Variants in ANOS1 observed in about 807,000 individuals in gnomAD.
ANOS1 encodes the protein anosmin 1.
A neutral mutation model predicts 59.0 loss-of-function variants in ANOS1; 6 were observed. The ratio of observed to expected loss-of-function variants is 0.10; its 90% CI spans 0.06 to 0.20. ANOS1 has a LOEUF of 0.20. ANOS1 is among the 10% of genes least tolerant of loss of function. ANOS1 has a pLI of 1.00. For synonymous variants in ANOS1, 217 were observed against 223.4 expected (o/e 0.97, Z 0.25); for missense variants, 433 against 542.3 (o/e 0.80, Z 2.00).
At chrX:8,536,218 A>ATTTTTT (rs1929592022) in intron 11 of ANOS1, among the ~76,000 whole-genome samples, 2 of 13,419 alleles carry the variant, frequency 1.5e-4, no homozygotes, top group Non-Finnish European at 3.3e-4. Flanking sequence ...TTTTTTTTTA[A>ATTTTTT]AAGGTGAGAT....
At chrX:8,657,306 C>A (rs762514857) in intron 2 of ANOS1, among the ~76,000 whole-genome samples, 3 of 111,949 alleles carry the variant, frequency 2.7e-5, no homozygotes, top group Admixed American at 9.4e-5. Context: ...AGATTCAGAT[C>A]ATATCCCTGT....
intron 1 of ANOS1, among the ~76,000 whole-genome samples, chrX:8,702,778 A>G (rs1010944625): frequency 8.9e-6 from 1 of 111,917 alleles, no homozygotes; most frequent in African/African-American, 3.2e-5. Flanking sequence ...CTCCTCCCCA[A>G]CCAGTGATGG....
At chrX:8,685,145 C>T (rs1602024000) in intron 2 of ANOS1, among the ~76,000 whole-genome samples, 1 of 111,255 alleles carries the variant, frequency 9.0e-6, no homozygotes, top group South Asian at 3.8e-4. Flanking sequence ...TAGACAGTTT[C>T]GCATAAGCCC....
intron 2 of ANOS1, among the ~76,000 whole-genome samples, chrX:8,665,844 T>G (rs1452988865): frequency 8.9e-6 from 1 of 112,348 alleles, no homozygotes; most frequent in Non-Finnish European, 1.9e-5. Flanking sequence ...ATGATATTCT[T>G]TAACATTTAA....
At chrX:8,674,605 AT>A (rs1932306542) in intron 2 of ANOS1, among the ~76,000 whole-genome samples, 1 of 112,404 alleles carries the variant, frequency 8.9e-6, no homozygotes, top group South Asian at 3.7e-4. Flanking sequence ...CTTAAAAAAA[AT>A]TGCAAAAAAA....
intron 2 of ANOS1, among the ~76,000 whole-genome samples, chrX:8,654,460 A>G (rs1234146004): frequency 1.8e-5 from 2 of 112,474 alleles, no homozygotes; most frequent in Non-Finnish European, 3.7e-5. Context: ...CTAAAAATTC[A>G]CCACCATGGG....
chrX:8,598,883 G>A (rs917465205), intron 3 of ANOS1, among the ~76,000 whole-genome samples: 4 of 112,101 alleles, frequency 3.6e-5, no homozygotes, highest in African/African-American at 1.3e-4. Context: ...GGGTGGCTAC[G>A]TTGTTGTGAA....
intron 6 of ANOS1, among the ~76,000 whole-genome samples, chrX:8,571,525 G>A (rs1930233511): frequency 9.0e-6 from 1 of 111,633 alleles, no homozygotes; most frequent in Non-Finnish European, 1.9e-5. Flanking sequence ...ATAAAAACCT[G>A]CACCATTTTT....
Position 8,668,512 on chromosome X carries a change from T to TAC in ANOS1, c.255+31185_255+31186insGT, listed in dbSNP as rs1185189948. Among the ~76,000 whole-genome samples the TAC allele has an allele frequency of 1.3e-4, 10 of 75,985 alleles. No individual in the cohort carries two copies. The East Asian group carries it at 2.9e-3, about 22-fold the overall frequency. 66.0% of individuals were successfully genotyped at this position (75,985 alleles called of 115,157 possible). A position where few individuals can be genotyped will look rare whatever the true frequency, so the allele number is the denominator to read the frequency against. On this transcript the variant is annotated intron_variant, in intron 2 of 13. Coordinates refer to ENST00000262648, the MANE Select transcript of ANOS1 (RefSeq NM_000216.4). ...TATATATATATGGTATTCCATCATA[T>TAC]ATATATGATAGTCCATATATATATA...
At chrX:8,646,190 T>G (rs774017226) in intron 2 of ANOS1, among the ~76,000 whole-genome samples, 9 of 111,360 alleles carry the variant, frequency 8.1e-5, no homozygotes, top group Non-Finnish European at 1.7e-4. Flanking sequence ...AAGACATCTT[T>G]TTTTGAGACA....
intron 2 of ANOS1, among the ~76,000 whole-genome samples, chrX:8,636,207 C>A (rs1236125985): frequency 2.7e-5 from 3 of 111,813 alleles, no homozygotes; most frequent in African/African-American, 9.8e-5. Flanking sequence ...TGACAACACA[C>A]ATCTCCTAAG....
intron 3 of ANOS1, among the ~76,000 whole-genome samples, chrX:8,605,240 T>C (rs1930918030): frequency 9.1e-6 from 1 of 109,298 alleles, no homozygotes; most frequent in East Asian, 2.9e-4. Flanking sequence ...GGCCAAAGGG[T>C]CTGATTCCAA....
chrX:8,554,551 T>G (rs1479697929), intron 8 of ANOS1, among the ~76,000 whole-genome samples: 9 of 95,333 alleles, frequency 9.4e-5, no homozygotes, highest in African/African-American at 3.3e-4. Context: ...AGTTTTTTTT[T>G]TTTTTTTTTT....
Position 8,530,864 on chromosome X carries a change from A to G in ANOS1, c.*2131T>C, listed in dbSNP as rs1172343594. The G allele has an allele frequency of 1.8e-5, 2 of 111,332 alleles. No individual in the cohort carries two copies. The highest frequency in any genetic ancestry group is 5.6e-4 in the East Asian group (2 of 3,561). 9.2% of individuals were successfully genotyped at this position (111,332 alleles called of 1,213,427 possible). A position where few individuals can be genotyped will look rare whatever the true frequency, so the allele number is the denominator to read the frequency against. ...AAAGATAAATGGATAGCTAATAATG[A>G]AAAATTTTAATTTTTGAAATTTTAA... On this transcript the variant is annotated 3_prime_UTR_variant, in exon 14 of 14. Transcript: ENST00000262648.
chrX:8,704,967 T>C (rs753782152), intron 1 of ANOS1, among the ~76,000 whole-genome samples: 2 of 111,756 alleles, frequency 1.8e-5, no homozygotes, highest in Non-Finnish European at 3.8e-5. Context: ...TAAGATACAG[T>C]ATTTTAGCAA....
At position 8,597,227 on chromosome X, in the gene ANOS1, G is replaced by A. The variant is rs148537546; in HGVS notation, c.348C>T (p.Cys116=). ...ATTTGAGGAACTCACAGCTGGTCAAGCATTCGTAGCTCTTCTTGGGGAAGA... is the reference window on the plus strand; with the variant it reads ...ATTTGAGGAACTCACAGCTGGTCAAACATTCGTAGCTCTTCTTGGGGAAGA... ...EPLFPKKSYE[C]LTSCEFLKYI... The change falls in exon 4 of 14, where the codon TGC becomes TGT. Residue 116 remains cysteine, a synonymous_variant. Transcript: ENST00000262648. 5 of 1,209,137 alleles carry A rather than the reference G, an allele frequency of 4.1e-6. No individual in the cohort carries two copies. The African/African-American group carries it at 7.0e-5, about 17-fold the overall frequency.
chrX:8,621,847 G>C (rs1028863914), intron 3 of ANOS1, among the ~76,000 whole-genome samples: 1 of 111,596 alleles, frequency 9.0e-6, no homozygotes, highest in African/African-American at 3.3e-5. Flanking sequence ...ATTTTTGCGT[G>C]ATTTTTTTAC....
intron 2 of ANOS1, among the ~76,000 whole-genome samples, chrX:8,629,470 T>C (rs1329996432): frequency 9.0e-6 from 1 of 111,560 alleles, no homozygotes; most frequent in African/African-American, 3.3e-5. Flanking sequence ...ATAAAAGATA[T>C]CTGTACACTG....
intron 1 of ANOS1, among the ~76,000 whole-genome samples, chrX:8,704,095 G>A (rs941079018): frequency 5.4e-5 from 6 of 111,167 alleles, no homozygotes; most frequent in Admixed American, 9.6e-5. Flanking sequence ...CAGTTCCCCC[G>A]CACATGCTCT....
Sources: allele counts gnomAD v4.1 joint callset (sites outside exome capture counted in the v4.1 genomes callset), GRCh38; gene constraint gnomAD v4.1.1; transcripts MANE v1.5; gene names NCBI Gene and HGNC (gene_info 2026-07-23, HGNC 2026-07-21).